The following NBPF12 variants were observed in gnomAD, a reference collection of about 807,000 sequenced individuals.
NBPF12 encodes the protein NBPF family member NBPF12.
A neutral mutation model predicts 146.4 loss-of-function variants in NBPF12; 115 were observed. The observed-to-expected ratio is 0.79, with a 90% CI of 0.68 to 0.92. NBPF12 has a LOEUF of 0.92. Among genes scored for constraint, NBPF12 ranks in the 40% least tolerant of loss-of-function variants. NBPF12 has a pLI of 0.00. For missense variants in NBPF12, 1,205 were observed against 1,326.8 expected (o/e 0.91, Z 1.43); for synonymous variants, 385 against 508.9 (o/e 0.76, Z 3.28).
At chr1:146,965,941 CTACTAAAAATACAAAAA>C (rs1656175053) in intron 8 of NBPF12, among the ~76,000 whole-genome samples, 1 of 151,320 alleles carries the variant, frequency 6.6e-6, no homozygotes, top group African/African-American at 2.4e-5. Context: ...AACCCCATCT[CTACTAAAAATACAAAAA>C]TTAGCTGTCA....
chr1:146,945,884 C>T (rs1344578387), upstream of NBPF12, among the ~76,000 whole-genome samples: 3 of 151,920 alleles, frequency 2.0e-5, no homozygotes, highest in Non-Finnish European at 2.9e-5. Flanking sequence ...TGTCCTAAAT[C>T]CTCAATACAG....
chr1:146,995,050 G>A (rs1487546406), exon 34 of NBPF12: 1 of 171,744 alleles, frequency 5.8e-6, no homozygotes, highest in Admixed American at 5.6e-5. Flanking sequence ...CTTGGCTGAG[G>A]ATTGTATTTC....
chr1:146,969,246 T>C, intron 10 of NBPF12, 136 bp from the exon 14 acceptor site: 1 of 1,052,908 alleles, frequency 9.5e-7, no homozygotes, highest in Non-Finnish European at 1.5e-6. Context: ...TTGGCCACAG[T>C]CATTCCTTTC....
chr1:146,951,879 G>A (rs1170858734), intron 2 of NBPF12: 1 of 193,570 alleles, frequency 5.2e-6, no homozygotes, highest in Non-Finnish European at 1.1e-5. Context: ...TGTGAGTGCA[G>A]CAACCCAAGA....
intron 1 of NBPF12, among the ~76,000 whole-genome samples, chr1:146,940,231 C>G (rs1654737779): frequency 6.6e-6 from 1 of 151,772 alleles, no homozygotes; most frequent in African/African-American, 2.4e-5. Context: ...AAAATGCTAG[C>G]TTTAAGATTT....
At position 146,972,495 on chromosome 1, in the gene NBPF12, G is replaced by C. The variant is rs1449752852; in HGVS notation, c.1592-256G>C. ...GGCCACTCATGGGGTAAAAATCTCAGGGCCAAGCCTTGCTTTATAGAAACT... is the reference window on the plus strand; with the variant it reads ...GGCCACTCATGGGGTAAAAATCTCACGGCCAAGCCTTGCTTTATAGAAACT... On this transcript the variant is annotated intron_variant, in intron 13 of 33. Transcript: ENST00000617844. Among the ~76,000 whole-genome samples, 12 of 151,676 alleles carry C rather than the reference G, an allele frequency of 7.9e-5. 1 individual carries two copies. The highest frequency in any genetic ancestry group is 1.2e-4 in the African/African-American group (5 of 41,076).
chr1:146,963,643 G>T (rs1392424289), intron 6 of NBPF12, among the ~76,000 whole-genome samples: 1 of 151,926 alleles, frequency 6.6e-6, no homozygotes, highest in Non-Finnish European at 1.5e-5. Flanking sequence ...AAGGTTCCCA[G>T]GCTGTCTTTT....
chr1:146,981,699 G>A (rs1367946781), intron 19 of NBPF12, among the ~76,000 whole-genome samples: 4 of 151,908 alleles, frequency 2.6e-5, no homozygotes, highest in South Asian at 2.1e-4. Flanking sequence ...CCAATCAAAC[G>A]TAGATTTGGT....
chr1:146,996,158 G>T (rs1315826277), downstream of NBPF12: 193 of 126,434 alleles, frequency 1.5e-3, no homozygotes, highest in South Asian at 4.4e-3. Flanking sequence ...GATTGGTTTT[G>T]GTGGGTACTG....
intron 2 of NBPF12, among the ~76,000 whole-genome samples, chr1:146,953,749 G>A (rs1212642641): frequency 7.7e-6 from 1 of 130,238 alleles, no homozygotes; most frequent in East Asian, 2.5e-4. Context: ...GCATAAGATT[G>A]AATGCTTTTC....
intron 18 of NBPF12, among the ~76,000 whole-genome samples, chr1:146,978,528 T>G (rs1657191832): frequency 6.6e-6 from 1 of 151,210 alleles, no homozygotes; most frequent in Non-Finnish European, 1.5e-5. Flanking sequence ...GCCTCCCAAA[T>G]CACAGATTCT....
In NBPF12 at chr1:146,969,157, G is replaced by C. The variant is rs1470013408; in HGVS notation, c.1092-225G>C. Among the ~76,000 whole-genome samples, 5 of 151,470 alleles carry C rather than the reference G, an allele frequency of 3.3e-5. No homozygotes were observed. The East Asian group carries it at 9.7e-4, about 29-fold the overall frequency. ...ACTTTTGTTTACAGAAGGGAAAGAT[G>C]AATGGAACATCATCGAGGATCTTGC... is the stretch of plus-strand genomic sequence containing the variant. On this transcript the variant is annotated intron_variant, in intron 10 of 33. Coordinates refer to ENST00000617844, the Ensembl canonical transcript of NBPF12.
At chr1:146,977,322 G>C in intron 17 of NBPF12, 144 bp from the exon 21 acceptor site, 1 of 1,107,574 alleles carries the variant, frequency 9.0e-7, no homozygotes, top group African/African-American at 1.6e-5. Flanking sequence ...GAACAGGATT[G>C]CATGTTCCCT....
Position 146,974,869 on chromosome 1 carries a change from G to A in NBPF12, c.1904+28G>A, listed in dbSNP as rs1388483222. On this transcript the variant is annotated intron_variant, in intron 15 of 33. Transcript: ENST00000617844. The stretch of plus-strand genomic sequence containing the variant: ...GAGGGGACCCCATGGGGGCAGACAG[G>A]GGGGCAGGTGTGTAAATCTCTGAAG... The A allele has an allele frequency of 2.2e-5, 28 of 1,254,404 alleles. 3 individuals are homozygous for A. Among genetic ancestry groups the A allele is most frequent in the Admixed American group, 7.1e-5 (3 of 42,286 alleles). The allele number at this position is 1,254,404 out of a possible 1,614,324, so 77.7% of individuals were successfully genotyped here.
intron 9 of NBPF12, 21 bp downstream of exon 12, chr1:146,966,694 A>G (rs1656234744): frequency 7.4e-6 from 9 of 1,221,624 alleles, no homozygotes; most frequent in Admixed American, 1.7e-5. Context: ...CAGGCTCACC[A>G]TCACGAAAGT....
rs1298322219 is a variant in NBPF12 at position 146,981,773 on chromosome 1, ACTTCT to A, written c.2451-1148_2451-1144del. Among the ~76,000 whole-genome samples the A allele has an allele frequency of 7.3e-5, 11 of 150,520 alleles. No homozygotes were observed. The South Asian group carries it at 8.5e-4, about 12-fold the overall frequency. ...TTTCTTTTTACTCTTTTTTCTCTAA[ACTTCT>A]CTTCTCGCTTCATTTCACTAATTTG... On this transcript the variant is annotated intron_variant, in intron 19 of 33. Coordinates refer to ENST00000617844, the Ensembl canonical transcript of NBPF12.
At chr1:146,977,524 A>T in exon 18 of NBPF12, 3 of 1,612,842 alleles carry the variant, frequency 1.9e-6, no homozygotes, top group South Asian at 2.2e-5. Flanking sequence ...GGAGTGTGCC[A>T]TCACTTGTTC....
chr1:146,953,184 G>A lies in NBPF12; in HGVS notation c.-184+1695G>A, dbSNP rs1471325215. On this transcript the variant is annotated intron_variant, in intron 2 of 33. Transcript: ENST00000617844. ...GGACTTGGCTGTCTAGAGACAAGGC[G>A]GGAGGGATTTCCTTGAGAGGCAGGG... is the stretch of plus-strand genomic sequence containing the variant. 1.4e-4 allele frequency among the ~76,000 whole-genome samples: 18 copies of A among 128,444 alleles called. 1 individual carries two copies. The highest frequency in any genetic ancestry group is 1.1e-4 in the Non-Finnish European group (7 of 62,256). The allele number at this position is 128,444 out of a possible 152,430, so 84.3% of individuals were successfully genotyped here. A position where few individuals can be genotyped will look rare whatever the true frequency, so the allele number is the denominator to read the frequency against.
exon 22 of NBPF12, chr1:146,984,974 T>G: frequency 1.5e-6 from 2 of 1,311,898 alleles, no homozygotes; most frequent in South Asian, 2.4e-5. Flanking sequence ...GGCTTGGCTG[T>G]TGACATGGAT....
Sources: allele counts gnomAD v4.1 joint callset (sites outside exome capture counted in the v4.1 genomes callset), GRCh38; gene constraint gnomAD v4.1.1; transcripts MANE v1.5; gene names NCBI Gene and HGNC (gene_info 2026-07-23, HGNC 2026-07-21).